The following ST6GALNAC3 variants were observed in gnomAD, a reference collection of about 807,000 sequenced individuals.
ST6GALNAC3 encodes ST6 N-acetylgalactosaminide alpha-2,6-sialyltransferase 3, also known as alpha-N-acetylgalactosaminide alpha-2,6-sialyltransferase 3.
ST6GALNAC3 carries 25 observed loss-of-function variants against 32.7 expected under a neutral mutation model. That is an observed-to-expected ratio of 0.76 (90% CI 0.56 to 1.07). ST6GALNAC3 has a LOEUF of 1.07. ST6GALNAC3 is among the 50% of genes least tolerant of loss of function. The pLI, the probability that ST6GALNAC3 is intolerant of heterozygous loss-of-function variation, is 0.00. For missense variants in ST6GALNAC3, 355 were observed against 382.4 expected (o/e 0.93, Z 0.60); for synonymous variants, 129 against 133.1 (o/e 0.97, Z 0.21).
At chr1:76,208,807 C>T (rs971183372) in intron 1 of ST6GALNAC3, among the ~76,000 whole-genome samples, 2 of 152,118 alleles carry the variant, frequency 1.3e-5, no homozygotes, top group African/African-American at 4.8e-5. Context: ...TCATACTAAA[C>T]GTTCTCTCCT....
intron 3 of ST6GALNAC3, among the ~76,000 whole-genome samples, chr1:76,533,056 A>C (rs1392921016): frequency 6.6e-6 from 1 of 152,132 alleles, no homozygotes; most frequent in Non-Finnish European, 1.5e-5. Flanking sequence ...AATAACTTGC[A>C]GCTGCCAGAA....
intron 1 of ST6GALNAC3, among the ~76,000 whole-genome samples, chr1:76,163,860 C>T (rs1202687709): frequency 6.6e-6 from 1 of 152,212 alleles, no homozygotes; most frequent in Non-Finnish European, 1.5e-5. Flanking sequence ...TGATCCAGTA[C>T]AAGCTTTGCT....
intron 3 of ST6GALNAC3, among the ~76,000 whole-genome samples, chr1:76,619,420 G>A (rs546488631): frequency 1.3e-5 from 2 of 152,198 alleles, no homozygotes; most frequent in South Asian, 2.1e-4. Flanking sequence ...TTGTAACTTA[G>A]TTTATAACAC....
chr1:76,224,251 T>G (rs1241924816), intron 1 of ST6GALNAC3, among the ~76,000 whole-genome samples: 1 of 152,198 alleles, frequency 6.6e-6, no homozygotes, highest in African/African-American at 2.4e-5. Context: ...AACAAAATGC[T>G]GCTCTTTTAT....
chr1:76,449,228 C>T (rs954774491), intron 3 of ST6GALNAC3, among the ~76,000 whole-genome samples: 8 of 152,138 alleles, frequency 5.3e-5, no homozygotes, highest in African/African-American at 1.9e-4. Context: ...TATGGTTTAT[C>T]CATGTCTTTT....
chr1:76,610,185 A>G (rs911502116), intron 3 of ST6GALNAC3, among the ~76,000 whole-genome samples: 1 of 152,232 alleles, frequency 6.6e-6, no homozygotes. Flanking sequence ...AATATTTTCT[A>G]CAAAATAGCC....
At chr1:76,373,314 A>G (rs557128784) in intron 2 of ST6GALNAC3, among the ~76,000 whole-genome samples, 1 of 152,318 alleles carries the variant, frequency 6.6e-6, no homozygotes, top group South Asian at 2.1e-4. Flanking sequence ...CTCATCTGTA[A>G]GATGGAGATT....
At chr1:76,616,744 A>T (rs954828842) in intron 3 of ST6GALNAC3, among the ~76,000 whole-genome samples, 52 of 147,388 alleles carry the variant, frequency 3.5e-4, no homozygotes, top group South Asian at 4.2e-4. Flanking sequence ...AGCCTGATTT[A>T]AAAAAAAAAT....
intron 3 of ST6GALNAC3, among the ~76,000 whole-genome samples, chr1:76,468,147 T>C (rs747699364): frequency 1.2e-4 from 18 of 151,918 alleles, no homozygotes; most frequent in Non-Finnish European, 2.1e-4. Context: ...TCTGCAAAGA[T>C]AGGCAAGTGA....
chr1:76,588,153 T>C (rs567257923), intron 3 of ST6GALNAC3, among the ~76,000 whole-genome samples: 1 of 152,292 alleles, frequency 6.6e-6, no homozygotes, highest in Admixed American at 6.5e-5. Flanking sequence ...TAAAAGAGAA[T>C]GATAGACCCA....
At chr1:76,275,296 T>A (rs760599491) in intron 1 of ST6GALNAC3, among the ~76,000 whole-genome samples, 1 of 152,194 alleles carries the variant, frequency 6.6e-6, no homozygotes, top group Non-Finnish European at 1.5e-5. Flanking sequence ...AAATTCTTCA[T>A]TGGGCACTTT....
At chr1:76,396,805 T>C (rs1283531477) in intron 2 of ST6GALNAC3, among the ~76,000 whole-genome samples, 3 of 152,224 alleles carry the variant, frequency 2.0e-5, no homozygotes, top group African/African-American at 7.2e-5. Context: ...CCTAAAACTG[T>C]GTCCAGTAGG....
chr1:76,468,958 A>G (rs1020842236), intron 3 of ST6GALNAC3, among the ~76,000 whole-genome samples: 3 of 151,964 alleles, frequency 2.0e-5, no homozygotes, highest in Admixed American at 1.3e-4. Context: ...TGGCCACTGA[A>G]CCTGTTGATG....
chr1:76,104,608 C>T (rs1352609298), intron 1 of ST6GALNAC3, among the ~76,000 whole-genome samples: 8 of 134,608 alleles, frequency 5.9e-5, no homozygotes, highest in East Asian at 2.0e-4. Context: ...CCTGGCCTGA[C>T]GCTTTTTTTT....
At chr1:76,461,580 T>C (rs1658282915) in intron 3 of ST6GALNAC3, among the ~76,000 whole-genome samples, 1 of 152,150 alleles carries the variant, frequency 6.6e-6, no homozygotes, top group Admixed American at 6.6e-5. Context: ...AGCATGGGCA[T>C]CTGCCATGCT....
At chr1:76,283,710 T>C (rs1659624486) in intron 1 of ST6GALNAC3, among the ~76,000 whole-genome samples, 1 of 152,238 alleles carries the variant, frequency 6.6e-6, no homozygotes. Flanking sequence ...TTTCCTAAGT[T>C]TCCTATTTCT....
intron 1 of ST6GALNAC3, among the ~76,000 whole-genome samples, chr1:76,109,143 C>T (rs1647748514): frequency 6.6e-6 from 1 of 152,274 alleles, no homozygotes; most frequent in East Asian, 1.9e-4. Context: ...ACCCAGGCCT[C>T]GTTTGCTGTT....
chr1:76,313,818 T>C lies in ST6GALNAC3; in HGVS notation c.32T>C (p.Ile11Thr), dbSNP rs573282271. 12 of 1,613,072 alleles carry C rather than the reference T, an allele frequency of 7.4e-6. No homozygotes were observed. In the African/African-American group the frequency reaches 1.3e-4, roughly 18 times the overall value. The change falls in exon 2 of 5, where the codon ATT becomes ACT. Residue 11 changes from isoleucine (I) to threonine (T), a missense_variant. Coordinates refer to ENST00000328299, the MANE Select transcript of ST6GALNAC3 (RefSeq NM_152996.4). The part of the protein sequence containing the change: MACILKRKSV[I>T]AVSFIAAFLF... ...AATGTTTTGTAGAGAAAGTCTGTGA[T>C]TGCTGTGAGCTTCATAGCAGCGTTC... is the stretch of plus-strand genomic sequence containing the variant.
At chr1:76,624,189 C>T (rs1030142013) in intron 3 of ST6GALNAC3, among the ~76,000 whole-genome samples, 1 of 151,910 alleles carries the variant, frequency 6.6e-6, no homozygotes, top group African/African-American at 2.4e-5. Flanking sequence ...GTTTAAAGAG[C>T]TATTGAGCTA....
Sources: allele counts gnomAD v4.1 joint callset (sites outside exome capture counted in the v4.1 genomes callset), GRCh38; gene constraint gnomAD v4.1.1; transcripts MANE v1.5; gene names NCBI Gene and HGNC (gene_info 2026-07-23, HGNC 2026-07-21).